The following EFHB variants were observed in gnomAD, a reference collection of about 807,000 sequenced individuals.
EFHB encodes the protein EF-hand domain family member B.
EFHB carries 91 observed loss-of-function variants against 87.2 expected under a neutral mutation model. The ratio of observed to expected loss-of-function variants is 1.04; its 90% CI spans 0.88 to 1.24. EFHB has a LOEUF of 1.24. Among genes scored for constraint, EFHB ranks in the 50% most tolerant of loss-of-function variants. EFHB has a pLI of 0.00. For synonymous variants in EFHB, 325 were observed against 333.6 expected (o/e 0.97, Z 0.28); for missense variants, 1,084 against 998.8 (o/e 1.09, Z -1.15).
chr3:19,899,500 C>CT lies in EFHB; in HGVS notation c.1433dup (p.Phe479ValfsTer8). The CT allele has an allele frequency of 6.2e-7, 1 of 1,600,852 alleles. No homozygotes were observed. Among genetic ancestry groups the CT allele is most frequent in the East Asian group, 2.3e-5 (1 of 44,226 alleles). On this transcript the variant is annotated frameshift_variant, in exon 7 of 13. Transcript: ENST00000295824. LOFTEE classifies it high-confidence loss of function. Reference sequence around the variant, plus strand: ...AATCATCTGCTCTTTTGGATACAAACTTAGCTCCTCTTTTCCTGCAAAATT... The same window carrying CT: ...AATCATCTGCTCTTTTGGATACAAACTTTAGCTCCTCTTTTCCTGCAAAATT...
rs762560635 is a variant in EFHB, at chr3:19,896,719, T to G, written c.1693A>C (p.Thr565Pro). 26 of 1,613,902 alleles carry G rather than the reference T, an allele frequency of 1.6e-5. No individual in the cohort carries two copies. Among genetic ancestry groups the G allele is most frequent in the Non-Finnish European group, 2.0e-5 (24 of 1,179,896 alleles). ...LKKVNYQKFD[T>P]LLAAFRHYDK... is the part of the protein sequence containing the mutation. ...TAGTGCCTGAAGGCTGCCAGCAAAG[T>G]GTCAAACTTTTGGTAATTAACTTTC... is the stretch of plus-strand genomic sequence containing the variant. Residue 565 changes from threonine to proline, a missense_variant, in exon 9 of 13, where the codon ACT (threonine) becomes CCT (proline). Thr to Pro is a conservative substitution (Grantham distance 38). Coordinates refer to ENST00000295824, the MANE Select transcript of EFHB (RefSeq NM_144715.4).
At chr3:19,891,899 C>G (rs1694319330) in intron 9 of EFHB, among the ~76,000 whole-genome samples, 1 of 152,120 alleles carries the variant, frequency 6.6e-6, no homozygotes, top group South Asian at 2.1e-4. Context: ...CCACTACATG[C>G]CAAACTTGTG....
intron 6 of EFHB, 40 bp downstream of exon 6, chr3:19,905,580 G>A (rs1164188864): frequency 3.8e-6 from 6 of 1,587,048 alleles, no homozygotes; most frequent in Middle Eastern, 1.7e-4. Context: ...AAGTCCAAAT[G>A]TCTAACACTT....
At chr3:19,945,347 G>C (rs1388542217) in intron 1 of EFHB, among the ~76,000 whole-genome samples, 1 of 152,176 alleles carries the variant, frequency 6.6e-6, no homozygotes, top group Non-Finnish European at 1.5e-5. Flanking sequence ...TTTTAGTAGA[G>C]TGGCTAAAAT....
In EFHB at chr3:19,920,571, TG is replaced by T; in HGVS notation, c.790-5del. ...CAACTGGAATAACTTTTCCTGCCTT[TG>T]GGGGAAAAAAATGGGTTGATCATTG... On this transcript the variant is annotated splice_polypyrimidine_tract_variant and splice_region_variant and intron_variant, in intron 1 of 12. Coordinates refer to ENST00000295824, the MANE Select transcript of EFHB (RefSeq NM_144715.4). 6.3e-7 allele frequency: 1 copy of T among 1,589,672 alleles called. No individual in the cohort carries two copies. The highest frequency in any genetic ancestry group is 8.5e-7 in the Non-Finnish European group (1 of 1,171,590).
intron 10 of EFHB, among the ~76,000 whole-genome samples, chr3:19,885,282 C>G (rs1044744957): frequency 2.6e-5 from 4 of 151,446 alleles, no homozygotes; most frequent in Non-Finnish European, 5.9e-5. Context: ...TTTCCTAGCA[C>G]TATGCACTAG....
chr3:19,933,217 G>GA lies in EFHB; in HGVS notation c.789+12dup. 1.2e-6 allele frequency: 2 copies of GA among 1,606,452 alleles called. No homozygotes were observed. The highest frequency in any genetic ancestry group is 1.7e-6 in the Non-Finnish European group (2 of 1,175,400). Reference sequence around the variant, plus strand: ...CACAGTTTAGTTCCTATGGAAAGTGGAAAAAAACTTACACTTGGCCAGCAA... The same window carrying GA: ...CACAGTTTAGTTCCTATGGAAAGTGGAAAAAAAACTTACACTTGGCCAGCAA... On this transcript the variant is annotated intron_variant, in intron 1 of 12. Coordinates refer to ENST00000295824, the MANE Select transcript of EFHB (RefSeq NM_144715.4).
chr3:19,918,514 G>T, intron 3 of EFHB, 102 bp from the exon 4 acceptor site: 1 of 1,097,216 alleles, frequency 9.1e-7, no homozygotes, highest in Non-Finnish European at 1.2e-6. Context: ...GTACGATTGT[G>T]GGAAAACATT....
At chr3:19,907,699 G>A (rs561942365) in intron 5 of EFHB, among the ~76,000 whole-genome samples, 95 of 152,270 alleles carry the variant, frequency 6.2e-4, no homozygotes, top group Admixed American at 2.5e-3. Flanking sequence ...TTCAAGTCTT[G>A]ATGTGGTATT....
intron 9 of EFHB, among the ~76,000 whole-genome samples, chr3:19,889,107 A>T (rs534595979): frequency 6.6e-6 from 1 of 152,326 alleles, no homozygotes; most frequent in South Asian, 2.1e-4. Context: ...AACAAGTAAC[A>T]CTAAGATTCA....
rs989413622 is a variant in EFHB, at chr3:19,879,569, A to C, written c.*62T>G. The C allele has an allele frequency of 8.1e-6, 12 of 1,475,602 alleles. No homozygotes were observed. The highest frequency in any genetic ancestry group is 1.1e-5 in the Non-Finnish European group (12 of 1,107,924). The allele number at this position is 1,475,602 out of a possible 1,614,324, so 91.4% of individuals were successfully genotyped here. A position where few individuals can be genotyped will look rare whatever the true frequency, so the allele number is the denominator to read the frequency against. ...TAATATCTAAAACCAGAATGGATTCAACATTTTAGATAAACACAGAGTTAA... is the reference window on the plus strand; with the variant it reads ...TAATATCTAAAACCAGAATGGATTCCACATTTTAGATAAACACAGAGTTAA... On this transcript the variant is annotated 3_prime_UTR_variant, in exon 13 of 13. Coordinates refer to ENST00000295824, the MANE Select transcript of EFHB (RefSeq NM_144715.4).
chr3:19,941,771 C>T (rs760433973), intron 1 of EFHB, among the ~76,000 whole-genome samples: 3 of 151,342 alleles, frequency 2.0e-5, no homozygotes, highest in African/African-American at 7.3e-5. Context: ...GCACAAGAAT[C>T]GCTTGAACCC....
intron 5 of EFHB, among the ~76,000 whole-genome samples, chr3:19,908,749 T>C (rs1694955897): frequency 6.6e-6 from 1 of 152,134 alleles, no homozygotes; most frequent in African/African-American, 2.4e-5. Context: ...TCTATCACTT[T>C]AGTAATGATT....
upstream of EFHB, chr3:19,934,342 T>C: frequency 1.0e-6 from 1 of 978,994 alleles, no homozygotes; most frequent in Non-Finnish European, 1.3e-6. Flanking sequence ...CCCTCTTCTC[T>C]CTCCTCTGTC....
chr3:19,914,858 G>C (rs1479598141), intron 5 of EFHB, among the ~76,000 whole-genome samples: 2 of 152,084 alleles, frequency 1.3e-5, no homozygotes, highest in African/African-American at 4.8e-5. Flanking sequence ...CGGAGGCCAA[G>C]GTGGGAGGAT....
At chr3:19,890,372 G>A (rs1694264319) in intron 9 of EFHB, among the ~76,000 whole-genome samples, 1 of 152,084 alleles carries the variant, frequency 6.6e-6, no homozygotes, top group Admixed American at 6.6e-5. Context: ...TGTTCAGTGG[G>A]GTGAGATTCT....
chr3:19,943,436 G>A (rs1696204868), intron 1 of EFHB: 1 of 153,544 alleles, frequency 6.5e-6, no homozygotes, highest in South Asian at 2.0e-4. Context: ...TGTAAATCCA[G>A]GTAAGGGCTC....
chr3:19,923,608 C>G (rs1245668955), intron 1 of EFHB, among the ~76,000 whole-genome samples: 1 of 152,074 alleles, frequency 6.6e-6, no homozygotes, highest in Non-Finnish European at 1.5e-5. Flanking sequence ...CTTCTGAGCT[C>G]AAGTGATCTG....
chr3:19,908,642 A>AAGAAAG (rs1229081916), intron 5 of EFHB, among the ~76,000 whole-genome samples: 1 of 149,414 alleles, frequency 6.7e-6, no homozygotes, highest in East Asian at 1.9e-4. Context: ...GAAAGAAAGA[A>AAGAAAG]AGAAAGAAAG....
Sources: gnomAD v4.1 joint callset for allele counts (sites outside exome capture counted in the v4.1 genomes callset) on GRCh38, gnomAD v4.1.1 for gene constraint, MANE v1.5 for transcripts, NCBI Gene and HGNC (gene_info 2026-07-23, HGNC 2026-07-21) for gene names.